The following KIAA0319L variants were observed in gnomAD, a reference collection of about 807,000 sequenced individuals.
KIAA0319L encodes dyslexia-associated protein KIAA0319-like protein.
In KIAA0319L, 55 loss-of-function variants were observed where a neutral mutation model predicts 120.1. The observed-to-expected ratio is 0.46, with a 90% CI of 0.37 to 0.57. The LOEUF (loss-of-function observed/expected upper bound fraction) is 0.57, where lower values mean the gene tolerates loss of function less well. Ranked by LOEUF, KIAA0319L falls within the 20% of genes least tolerant of loss-of-function variation. KIAA0319L has a pLI of 0.00. For synonymous variants in KIAA0319L, 398 were observed against 471.9 expected (o/e 0.84, Z 2.03); for missense variants, 1,049 against 1,255.3 (o/e 0.84, Z 2.48).
chr1:35,450,459 G>C lies in KIAA0319L; in HGVS notation c.2113C>G (p.Leu705Val), dbSNP rs1197149082. 1.2e-6 allele frequency: 2 copies of C among 1,613,986 alleles called. No individual in the cohort carries two copies. The highest frequency in any genetic ancestry group is 1.7e-6 in the Non-Finnish European group (2 of 1,179,840). The change falls in exon 14 of 21, where the codon CTA becomes GTA. Residue 705 changes from leucine to valine, a missense_variant. Coordinates refer to ENST00000325722, the MANE Select transcript of KIAA0319L (RefSeq NM_024874.5). The part of the protein sequence containing the change: ...AKITGNVVIT[L>V]PTSTAELDGS... ...TCCAGCTCTGCTGTGCTCGTGGGTA[G>C]GGTAATCACCACATTCCCAGTTATC...
chr1:35,448,592 G>A (rs1377127524), intron 15 of KIAA0319L, among the ~76,000 whole-genome samples: 1 of 152,176 alleles, frequency 6.6e-6, no homozygotes. Context: ...ATGCAATGAG[G>A]GGTGGGGAGT....
chr1:35,441,970 G>A (rs529670361), intron 19 of KIAA0319L, among the ~76,000 whole-genome samples: 68 of 152,216 alleles, frequency 4.5e-4, no homozygotes, highest in African/African-American at 1.5e-3. Context: ...TGGCCCTCAC[G>A]CTCACTCCCC....
chr1:35,532,616 C>T (rs912343706), intron 2 of KIAA0319L, among the ~76,000 whole-genome samples: 5 of 152,182 alleles, frequency 3.3e-5, no homozygotes, highest in African/African-American at 1.2e-4. Flanking sequence ...ATATTGGATT[C>T]TAGAAGTAAC....
intron 7 of KIAA0319L, among the ~76,000 whole-genome samples, chr1:35,463,793 A>G (rs1479789700): frequency 1.3e-5 from 2 of 152,140 alleles, no homozygotes; most frequent in Non-Finnish European, 2.9e-5. Context: ...AACTCCCACA[A>G]TTCCCACCTC....
chr1:35,485,506 G>A (rs1230201687), intron 3 of KIAA0319L, among the ~76,000 whole-genome samples: 2 of 152,104 alleles, frequency 1.3e-5, no homozygotes, highest in African/African-American at 4.8e-5. Context: ...ACTTTTTATT[G>A]GGTTCCCTTG....
chr1:35,528,095 T>A (rs903036790), intron 2 of KIAA0319L, among the ~76,000 whole-genome samples: 7 of 152,198 alleles, frequency 4.6e-5, no homozygotes, highest in African/African-American at 1.7e-4. Flanking sequence ...GAAATTTTTT[T>A]TCTTCTTTTT....
chr1:35,544,118 A>G (rs1268606632), intron 2 of KIAA0319L, among the ~76,000 whole-genome samples: 1 of 152,128 alleles, frequency 6.6e-6, no homozygotes, highest in Non-Finnish European at 1.5e-5. Context: ...TTGTAATCCT[A>G]GCACTTTGGG....
At chr1:35,502,628 T>C (rs1007591889) in intron 3 of KIAA0319L, among the ~76,000 whole-genome samples, 3 of 152,152 alleles carry the variant, frequency 2.0e-5, no homozygotes, top group African/African-American at 7.2e-5. Flanking sequence ...ATCAGAACTT[T>C]ACCACCTCCA....
intron 15 of KIAA0319L, among the ~76,000 whole-genome samples, chr1:35,449,538 C>T (rs1405585204): frequency 6.6e-6 from 1 of 152,210 alleles, no homozygotes; most frequent in Admixed American, 6.5e-5. Flanking sequence ...CCTCTCTCAT[C>T]AGTCACGAGG....
At position 35,434,423 on chromosome 1, in the gene KIAA0319L, G is replaced by A. The variant is rs905134661; in HGVS notation, c.*471C>T. ...GCTACCATCTCAGCATCTGTGGTGA[G>A]GGGAGGGGTGCCACTTCCTCTTTGC... On this transcript the variant is annotated 3_prime_UTR_variant, in exon 21 of 21. Coordinates refer to ENST00000325722, the MANE Select transcript of KIAA0319L (RefSeq NM_024874.5). 5 of 154,694 alleles carry A rather than the reference G, an allele frequency of 3.2e-5. No individual in the cohort carries two copies. Among genetic ancestry groups the A allele is most frequent in the African/African-American group, 9.6e-5 (4 of 41,512 alleles). The allele number at this position is 154,694 out of a possible 1,614,324, so 9.6% of individuals were successfully genotyped here. A position where few individuals can be genotyped will look rare whatever the true frequency, so the allele number is the denominator to read the frequency against.
At chr1:35,534,955 G>T (rs1451191029) in intron 2 of KIAA0319L, among the ~76,000 whole-genome samples, 3 of 150,632 alleles carry the variant, frequency 2.0e-5, no homozygotes, top group Admixed American at 1.3e-4. Flanking sequence ...AAATCAGCCA[G>T]CTGTGGTGGC....
chr1:35,506,524 C>T lies in KIAA0319L; in HGVS notation c.666+88G>A. 7.7e-7 allele frequency: 1 copy of T among 1,302,944 alleles called. No individual in the cohort carries two copies. Among genetic ancestry groups the T allele is most frequent in the Non-Finnish European group, 1.1e-6 (1 of 935,776 alleles). The allele number at this position is 1,302,944 out of a possible 1,614,324, so 80.7% of individuals were successfully genotyped here. A position where few individuals can be genotyped will look rare whatever the true frequency, so the allele number is the denominator to read the frequency against. ...TACACTCCTCAGCCTATGAGCACTGCCCGCAAGCATCAGCTTCATTGCTCA... is the reference window on the plus strand; with the variant it reads ...TACACTCCTCAGCCTATGAGCACTGTCCGCAAGCATCAGCTTCATTGCTCA... On this transcript the variant is annotated intron_variant, in intron 3 of 20. Coordinates refer to ENST00000325722, the MANE Select transcript of KIAA0319L (RefSeq NM_024874.5). This position sits in a 1 kb window ranked among gnomAD's most constrained non-coding sequence, Gnocchi z 4.0.
At chr1:35,441,947 G>C (rs1332401989) in intron 19 of KIAA0319L, among the ~76,000 whole-genome samples, 1 of 152,116 alleles carries the variant, frequency 6.6e-6, no homozygotes, top group South Asian at 2.1e-4. Context: ...GATGTGATCC[G>C]GGTCTGTACC....
Position 35,434,795 on chromosome 1 carries a change from C to T in KIAA0319L, c.*99G>A. 1 of 1,073,808 alleles carries T rather than the reference C, an allele frequency of 9.3e-7. No homozygotes were observed. Among genetic ancestry groups the T allele is most frequent in the Non-Finnish European group, 1.3e-6 (1 of 744,672 alleles). 66.5% of individuals were successfully genotyped at this position (1,073,808 alleles called of 1,614,324 possible). A position where few individuals can be genotyped will look rare whatever the true frequency, so the allele number is the denominator to read the frequency against. On this transcript the variant is annotated 3_prime_UTR_variant, in exon 21 of 21. Transcript: ENST00000325722. ...GGTTGGGACTGTCAGGGCGAAATGA[C>T]CAGCAGATGCTGGGACAGCAGCTGC...
At chr1:35,450,677 T>C (rs77388584) in intron 13 of KIAA0319L, among the ~76,000 whole-genome samples, 168 bp from the exon 14 acceptor site, 3,260 of 152,158 alleles carry the variant, frequency 0.021, 110 homozygotes, top group African/African-American at 0.073. Flanking sequence ...CTACCAGCGC[T>C]GCAGTCCTGA....
In KIAA0319L at chr1:35,441,031, C is replaced by T. The variant is rs1453067806; in HGVS notation, c.2962+16G>A. ...GAGTGCACAGACCTAGAAGCTCTGG[C>T]ACCCAGGGCCCCTACCTGCTCGGGA... On this transcript the variant is annotated intron_variant, in intron 20 of 20. Coordinates refer to ENST00000325722, the MANE Select transcript of KIAA0319L (RefSeq NM_024874.5). The T allele has an allele frequency of 2.5e-6, 4 of 1,608,456 alleles. No homozygotes were observed. Among genetic ancestry groups the T allele is most frequent in the Admixed American group, 1.7e-5 (1 of 60,006 alleles).
At chr1:35,531,960 C>T (rs868340167) in intron 2 of KIAA0319L, among the ~76,000 whole-genome samples, 40 of 152,172 alleles carry the variant, frequency 2.6e-4, no homozygotes, top group African/African-American at 8.9e-4. Flanking sequence ...TCAATGGTTT[C>T]CAATAAGAGG....
intron 3 of KIAA0319L, among the ~76,000 whole-genome samples, chr1:35,499,317 A>C (rs569133290): frequency 1.3e-5 from 2 of 152,312 alleles, no homozygotes; most frequent in Non-Finnish European, 2.9e-5. Flanking sequence ...TTTGGAAGGT[A>C]ATTAGGTCAT....
At chr1:35,526,241 T>C (rs1646122184) in intron 2 of KIAA0319L, among the ~76,000 whole-genome samples, 1 of 149,726 alleles carries the variant, frequency 6.7e-6, no homozygotes. Context: ...GTTGTTTTGG[T>C]TACTAGAATT....
Sources: gnomAD v4.1 joint callset for allele counts (sites outside exome capture counted in the v4.1 genomes callset) on GRCh38, gnomAD v4.1.1 for gene constraint, Gnocchi (gnomAD v3.1) non-coding constraint, MANE v1.5 for transcripts, NCBI Gene and HGNC (gene_info 2026-07-23, HGNC 2026-07-21) for gene names.